The following IGFBP2 variants were observed in gnomAD, a reference collection of about 807,000 sequenced individuals.
IGFBP2 encodes insulin like growth factor binding protein 2.
A neutral mutation model predicts 26.2 loss-of-function variants in IGFBP2; 12 were observed. The observed-to-expected ratio is 0.46, with a 90% confidence interval of 0.29 to 0.74. The LOEUF is 0.74. IGFBP2 is among the 30% of genes least tolerant of loss of function. The pLI is 0.09. For synonymous variants in IGFBP2, 189 were observed against 200.6 expected, an observed-to-expected ratio of 0.94 and a Z score of 0.49; for missense variants, 328 against 441.2, an observed-to-expected ratio of 0.74 and a Z score of 2.30.
At position 216,661,873 on chromosome 2, in the gene IGFBP2, G is replaced by A; in HGVS notation, c.688G>A (p.Glu230Lys). Reference protein sequence around the residue: ...PPPARTPCQQELDQVLERIST... With the variant: ...PPPARTPCQQKLDQVLERIST... ...GTGCGTGCAGACTCCCTGCCAACAG[G>A]AACTGGACCAGGTCCTGGAGCGGAT... Residue 230 changes from glutamate to lysine, a missense_variant, in exon 3 of 4, where the codon GAA becomes AAA. Transcript: ENST00000233809. The A allele has an allele frequency of 6.2e-7, 1 of 1,614,190 alleles. No homozygotes were observed.
intron 1 of IGFBP2, among the ~76,000 whole-genome samples, chr2:216,657,236 CAG>C (rs201368235): frequency 0.01 from 1,525 of 151,934 alleles, 26 homozygotes; most frequent in African/African-American, 0.033. Context: ...GGTCTGGGGA[CAG>C]AGAGGCCTGT....
rs1277723676 is a variant in IGFBP2 at position 216,637,621 on chromosome 2, TAAC to T, written c.442+3659_442+3661del. 5.9e-5 allele frequency among the ~76,000 whole-genome samples: 9 copies of T among 152,216 alleles called. No homozygotes were observed. The East Asian group carries it at 1.7e-3, about 29-fold the overall frequency. On this transcript the variant is annotated intron_variant, in intron 1 of 3. Transcript: ENST00000233809. The stretch of plus-strand genomic sequence containing the variant: ...GGTTCGAGAACAGAAAAATTCTACT[TAAC>T]AATGTTAAGGAATCTGAGAAAAGTG...
intron 1 of IGFBP2, among the ~76,000 whole-genome samples, chr2:216,648,977 A>G (rs560329657): frequency 6.6e-6 from 1 of 152,318 alleles, no homozygotes; most frequent in South Asian, 2.1e-4. Flanking sequence ...TAATAACACA[A>G]GTCTACCACC....
Position 216,633,695 on chromosome 2 carries a change from G to A in IGFBP2, c.172G>A (p.Val58Ile). Residue 58 changes from valine to isoleucine, a missense_variant, in exon 1 of 4, where the codon GTT (valine) becomes ATT (isoleucine). Physicochemically the swap from Val to Ile is conservative, Grantham distance 29. Transcript: ENST00000233809. Reference protein sequence around the residue: ...ERLAACGPPPVAPPAAVAAVA... With the variant: ...ERLAACGPPPIAPPAAVAAVA... ...CCTGGCCGCCTGCGGGCCCCCGCCG[G>A]TTGCGCCGCCCGCCGCGGTGGCCGC... 8.5e-7 allele frequency: 1 copy of A among 1,174,002 alleles called. No individual in the cohort carries two copies. The highest frequency in any genetic ancestry group is 1.6e-5 in the African/African-American group (1 of 61,922). The allele number at this position is 1,174,002 out of a possible 1,614,324, so 72.7% of individuals were successfully genotyped here.
chr2:216,663,829 G>A (rs1328314067), intron 3 of IGFBP2, 111 bp from the exon 4 acceptor site: 26 of 1,134,218 alleles, frequency 2.3e-5, no homozygotes, highest in South Asian at 8.7e-5. Flanking sequence ...AGCTCCACCC[G>A]GCAGCGCATG....
Position 216,633,452 on chromosome 2 carries a change from C to T in IGFBP2, c.-72C>T. The stretch of plus-strand genomic sequence containing the variant: ...AAGCGGAGGAGGCGGCTCCCGCGCT[C>T]GCAGGGCCGTGCCACCTGCCCGCCC... On this transcript the variant is annotated 5_prime_UTR_variant, in exon 1 of 4. Transcript: ENST00000233809. 3.5e-6 allele frequency: 1 copy of T among 286,868 alleles called. No individual in the cohort carries two copies. The highest frequency in any genetic ancestry group is 5.3e-6 in the Non-Finnish European group (1 of 189,318). 17.8% of individuals were successfully genotyped at this position (286,868 alleles called of 1,614,324 possible).
intron 1 of IGFBP2, among the ~76,000 whole-genome samples, chr2:216,655,307 G>A (rs1400411495): frequency 6.6e-6 from 1 of 152,210 alleles, no homozygotes; most frequent in African/African-American, 2.4e-5. Flanking sequence ...ATCCCCAGGT[G>A]TTGATGGAGA....
chr2:216,648,687 C>T (rs1574560339), intron 1 of IGFBP2, among the ~76,000 whole-genome samples: 2 of 152,256 alleles, frequency 1.3e-5, no homozygotes, highest in East Asian at 3.9e-4. Flanking sequence ...TGGCTCACTG[C>T]AACCTTCGCC....
At chr2:216,640,393 T>C (rs1228190388) in intron 1 of IGFBP2, among the ~76,000 whole-genome samples, 1 of 152,076 alleles carries the variant, frequency 6.6e-6, no homozygotes. Flanking sequence ...AAGCGGGAGA[T>C]GATGTTTGAA....
At chr2:216,648,924 T>A (rs1252552618) in intron 1 of IGFBP2, among the ~76,000 whole-genome samples, 3 of 152,154 alleles carry the variant, frequency 2.0e-5, no homozygotes, top group South Asian at 2.1e-4. Flanking sequence ...GTGACTTTTT[T>A]AAAAGAATAT....
chr2:216,659,783 C>T (rs1228160900), intron 1 of IGFBP2: 3 of 1,510,986 alleles, frequency 2.0e-6, no homozygotes, highest in Non-Finnish European at 2.7e-6. Flanking sequence ...AGTCATAGTT[C>T]CTGTTCTTGG....
chr2:216,642,030 C>T lies in IGFBP2; in HGVS notation c.442+8065C>T, dbSNP rs1476446080. ...TTTTTTTTTTCGTGAGACGGAGTCT[C>T]GCTGTGTCGCCCAGGCTGGAGTTCA... is the stretch of plus-strand genomic sequence containing the variant. On this transcript the variant is annotated intron_variant, in intron 1 of 3. Coordinates refer to ENST00000233809, the MANE Select transcript of IGFBP2 (RefSeq NM_000597.3). Among the ~76,000 whole-genome samples, 8 of 112,528 alleles carry T rather than the reference C, an allele frequency of 7.1e-5. No individual in the cohort carries two copies. In the South Asian group the frequency reaches 9.2e-4, roughly 13 times the overall value. 73.8% of individuals were successfully genotyped at this position (112,528 alleles called of 152,430 possible).
At position 216,660,555 on chromosome 2, in the gene IGFBP2, A is replaced by C; in HGVS notation, c.443-2A>C. 6.3e-7 allele frequency: 1 copy of C among 1,593,204 alleles called. No homozygotes were observed. The highest frequency in any genetic ancestry group is 8.6e-7 in the Non-Finnish European group (1 of 1,168,108). On this transcript the variant is annotated splice_acceptor_variant, in intron 1 of 3. Coordinates refer to ENST00000233809, the MANE Select transcript of IGFBP2 (RefSeq NM_000597.3). LOFTEE classifies it high-confidence loss of function. ...GCTTTTCTTCCCTTCCTCTCTTGGC[A>C]GACAATGGCGATGACCACTCAGAAG...
chr2:216,633,521 A>C lies in IGFBP2; in HGVS notation c.-3A>C. Reference sequence around the variant, plus strand: ...CCGCCGCGCCGCGCTGCCGACCGCCAGCATGCTGCCGAGAGTGGGCTGCCC... The same window carrying C: ...CCGCCGCGCCGCGCTGCCGACCGCCCGCATGCTGCCGAGAGTGGGCTGCCC... On this transcript the variant is annotated 5_prime_UTR_variant, in exon 1 of 4. Transcript: ENST00000233809. The C allele has an allele frequency of 3.8e-6, 3 of 798,984 alleles. No homozygotes were observed. The highest frequency in any genetic ancestry group is 3.0e-6 in the Non-Finnish European group (2 of 657,530). 49.5% of individuals were successfully genotyped at this position (798,984 alleles called of 1,614,324 possible).
At chr2:216,634,084 C>G (rs1697443272) in intron 1 of IGFBP2, 119 bp downstream of exon 1, 3 of 1,377,250 alleles carry the variant, frequency 2.2e-6, no homozygotes, top group African/African-American at 1.5e-5. Flanking sequence ...TGGACCAAAT[C>G]AAGGGGGACT....
chr2:216,634,753 A>G (rs1030623250), intron 1 of IGFBP2, among the ~76,000 whole-genome samples: 3 of 92,144 alleles, frequency 3.3e-5, no homozygotes, highest in African/African-American at 1.2e-4. Flanking sequence ...ATGCGTTGCC[A>G]CCCCCCACCC....
chr2:216,638,716 T>C (rs1356469121), intron 1 of IGFBP2, among the ~76,000 whole-genome samples: 1 of 151,756 alleles, frequency 6.6e-6, no homozygotes, highest in East Asian at 2.0e-4. Flanking sequence ...CTTTTTTTTT[T>C]TGAGACGGAG....
intron 1 of IGFBP2, among the ~76,000 whole-genome samples, chr2:216,637,279 T>G (rs1288109361): frequency 6.6e-6 from 1 of 152,144 alleles, no homozygotes; most frequent in Admixed American, 6.5e-5. Flanking sequence ...CCACTGTTCA[T>G]GAAAGAAGGA....
intron 1 of IGFBP2, among the ~76,000 whole-genome samples, chr2:216,645,002 G>A (rs1014870261): frequency 2.0e-5 from 3 of 152,206 alleles, no homozygotes; most frequent in African/African-American, 4.8e-5. Context: ...TCTCAAAAAT[G>A]TTCCTTTATG....
Sources: allele counts gnomAD v4.1 joint callset (sites outside exome capture counted in the v4.1 genomes callset), GRCh38; gene constraint gnomAD v4.1.1; transcripts MANE v1.5; gene names NCBI Gene and HGNC (gene_info 2026-07-23, HGNC 2026-07-21).